The following KIF21A variants were observed in gnomAD, a reference collection of about 807,000 sequenced individuals.
The protein encoded by KIF21A is kinesin-like protein KIF21A.
KIF21A carries 114 observed loss-of-function variants against 202.9 expected under a neutral mutation model. The observed-to-expected ratio is 0.56, with a 90% confidence interval of 0.48 to 0.66. The LOEUF (loss-of-function observed/expected upper bound fraction) is 0.66. Among genes scored for constraint, KIF21A ranks in the 30% least tolerant of loss-of-function variants. The pLI, the probability that KIF21A is intolerant of heterozygous loss-of-function variation, is 0.00. For missense variants in KIF21A, 1,677 were observed against 1,994.9 expected (o/e 0.84, Z 3.04); for synonymous variants, 667 against 670.8 (o/e 0.99, Z 0.09).
chr12:39,319,359 T>C (rs1486107864), intron 28 of KIF21A, among the ~76,000 whole-genome samples: 3 of 152,142 alleles, frequency 2.0e-5, no homozygotes, highest in Non-Finnish European at 4.4e-5. Flanking sequence ...AATCAGATTA[T>C]ACTATGTACT....
intron 1 of KIF21A, among the ~76,000 whole-genome samples, chr12:39,375,363 T>G (rs1950207674): frequency 6.6e-6 from 1 of 152,112 alleles, no homozygotes; most frequent in Non-Finnish European, 1.5e-5. Flanking sequence ...CACCACAACC[T>G]TAAGAGTTCC....
In KIF21A at chr12:39,305,092, G is replaced by A. The variant is rs1227426651; in HGVS notation, c.4443-154C>T. On this transcript the variant is annotated intron_variant, in intron 34 of 37. Transcript: ENST00000361418. The stretch of plus-strand genomic sequence containing the variant: ...TTAGAGATGGGATCTTGGGCCGGGT[G>A]CAGCGGCTAATGCCTGTAATCCCAG... 3.3e-5 allele frequency among the ~76,000 whole-genome samples: 5 copies of A among 151,930 alleles called. 1 individual carries two copies. Among genetic ancestry groups the A allele is most frequent in the Non-Finnish European group, 5.9e-5 (4 of 67,982 alleles).
At chr12:39,385,557 A>G (rs951038537) in intron 1 of KIF21A, among the ~76,000 whole-genome samples, 2 of 152,224 alleles carry the variant, frequency 1.3e-5, no homozygotes, top group African/African-American at 4.8e-5. Flanking sequence ...TCCTTAGTTT[A>G]AAAACAAATA....
At chr12:39,404,682 A>T (rs1456056076) in intron 1 of KIF21A, among the ~76,000 whole-genome samples, 2 of 152,222 alleles carry the variant, frequency 1.3e-5, no homozygotes, top group Non-Finnish European at 2.9e-5. Context: ...ATAGGTAGCA[A>T]TGTAAAAACA....
intron 1 of KIF21A, among the ~76,000 whole-genome samples, chr12:39,441,757 C>G (rs139494956): frequency 1.1e-4 from 17 of 148,976 alleles, no homozygotes; most frequent in African/African-American, 3.9e-4. Context: ...ATGCCTGACC[C>G]AAGATGTGTC....
intron 1 of KIF21A, among the ~76,000 whole-genome samples, chr12:39,421,723 T>TTTTATA (rs944109985): frequency 1.7e-3 from 234 of 134,998 alleles, no homozygotes; most frequent in African/African-American, 5.7e-3. Context: ...TATATATAAT[T>TTTTATA]TATATATATA....
chr12:39,295,874 A>T (rs2136997548), intron 37 of KIF21A, among the ~76,000 whole-genome samples: 1 of 149,800 alleles, frequency 6.7e-6, no homozygotes, highest in African/African-American at 2.5e-5. Flanking sequence ...GCTAATTTTT[A>T]TTGCGTTTTT....
intron 31 of KIF21A, among the ~76,000 whole-genome samples, chr12:39,313,670 A>T (rs889733643): frequency 1.3e-5 from 2 of 151,878 alleles, no homozygotes; most frequent in African/African-American, 4.8e-5. Context: ...TATATTAAAG[A>T]ACTGGACATT....
intron 1 of KIF21A, among the ~76,000 whole-genome samples, chr12:39,429,668 C>T (rs952664227): frequency 6.6e-6 from 1 of 152,064 alleles, no homozygotes; most frequent in African/African-American, 2.4e-5. Flanking sequence ...CTCCACTTCA[C>T]GGATAAAGAA....
rs1421745668 is a variant in KIF21A at position 39,418,897 on chromosome 12, G to A, written c.44+24030C>T. Among the ~76,000 whole-genome samples the A allele has an allele frequency of 2.0e-5, 3 of 152,160 alleles. No homozygotes were observed. The East Asian group carries it at 5.8e-4, about 29-fold the overall frequency. ...AAGCAACTACTATGTGCCAGGAACT[G>A]TACTTAGAATCTACATTTGTTATTT... On this transcript the variant is annotated intron_variant, in intron 1 of 37. Transcript: ENST00000361418.
At position 39,351,960 on chromosome 12, in the gene KIF21A, T is replaced by G. The variant is rs1948419475; in HGVS notation, c.1490A>C (p.Glu497Ala). 1 of 1,613,046 alleles carries G rather than the reference T, an allele frequency of 6.2e-7. No homozygotes were observed. The highest frequency in any genetic ancestry group is 2.2e-5 in the East Asian group (1 of 44,854). Residue 497 changes from glutamate to alanine, a missense_variant, in exon 11 of 38, where the codon GAA (glutamate) becomes GCA (alanine). Transcript: ENST00000361418. ...EDLRAKLLES[E>A]AVNENLRKNL... ...TTTTCGAAGGTTCTCATTCACTGCT[T>G]CACTTTCTAATAATTTTGCCCTAGC...
intron 1 of KIF21A, among the ~76,000 whole-genome samples, chr12:39,440,594 T>A (rs532563205): frequency 1.8e-3 from 271 of 152,330 alleles, no homozygotes; most frequent in African/African-American, 5.8e-3. Flanking sequence ...CTTCAATAAA[T>A]AATGGTTATA....
intron 1 of KIF21A, among the ~76,000 whole-genome samples, chr12:39,433,572 T>G (rs954916021): frequency 1.3e-5 from 2 of 152,170 alleles, no homozygotes; most frequent in Non-Finnish European, 2.9e-5. Context: ...ATTCACATTT[T>G]TACTATCCAC....
chr12:39,353,062 T>C (rs1948517760), intron 10 of KIF21A, among the ~76,000 whole-genome samples: 2 of 152,182 alleles, frequency 1.3e-5, no homozygotes, highest in African/African-American at 4.8e-5. Context: ...CTCAACACTA[T>C]ATTACTAAGC....
intron 11 of KIF21A, among the ~76,000 whole-genome samples, chr12:39,349,157 T>C (rs1223477884): frequency 2.0e-5 from 3 of 151,924 alleles, no homozygotes; most frequent in Admixed American, 6.6e-5. Flanking sequence ...TTCCCATTTT[T>C]CCCCCAAAGA....
intron 1 of KIF21A, among the ~76,000 whole-genome samples, chr12:39,372,165 T>A (rs1241475321): frequency 1.3e-5 from 2 of 152,082 alleles, no homozygotes; most frequent in Non-Finnish European, 2.9e-5. Context: ...AAATAAAAGG[T>A]TAACAGGAAG....
intron 7 of KIF21A, among the ~76,000 whole-genome samples, chr12:39,359,880 C>T (rs1347422532): frequency 1.3e-5 from 2 of 152,178 alleles, no homozygotes; most frequent in Admixed American, 1.3e-4. Context: ...ACTTGAACTT[C>T]CTGTAATCAA....
chr12:39,363,610 G>A (rs1023903413), intron 6 of KIF21A, among the ~76,000 whole-genome samples: 10 of 152,044 alleles, frequency 6.6e-5, no homozygotes, highest in Non-Finnish European at 1.3e-4. Flanking sequence ...GCAAATTTTC[G>A]TTTTGCAATA....
intron 1 of KIF21A, among the ~76,000 whole-genome samples, chr12:39,373,500 C>T (rs1418906586): frequency 6.6e-6 from 1 of 152,110 alleles, no homozygotes; most frequent in Non-Finnish European, 1.5e-5. Context: ...CTTTTTCTAC[C>T]AGCTTTATGG....
Sources: gnomAD v4.1 joint callset for allele counts (sites outside exome capture counted in the v4.1 genomes callset) on GRCh38, gnomAD v4.1.1 for gene constraint, MANE v1.5 for transcripts, NCBI Gene and HGNC (gene_info 2026-07-23, HGNC 2026-07-21) for gene names.